The following FAM184A variants were observed in gnomAD, a reference collection of about 807,000 sequenced individuals.
FAM184A encodes family with sequence similarity 184 member A.
FAM184A carries 99 observed loss-of-function variants against 143.8 expected under a neutral mutation model. The observed-to-expected ratio is 0.69, with a 90% CI of 0.58 to 0.81. The LOEUF (loss-of-function observed/expected upper bound fraction) is 0.81. FAM184A is among the 40% of genes least tolerant of loss of function. The pLI is 0.00. For synonymous variants in FAM184A, 427 were observed against 446.4 expected, an observed-to-expected ratio of 0.96 and a Z score of 0.55; for missense variants, 1,217 against 1,310.5, an observed-to-expected ratio of 0.93 and a Z score of 1.10.
At chr6:119,088,799 A>G (rs563625581) in intron 1 of FAM184A, among the ~76,000 whole-genome samples, 9 of 152,220 alleles carry the variant, frequency 5.9e-5, no homozygotes, top group Non-Finnish European at 1.0e-4. Flanking sequence ...ATCAATAATC[A>G]TACTAGCTTT....
chr6:119,146,662 G>A (rs1386251814), intron 1 of FAM184A, among the ~76,000 whole-genome samples: 1 of 152,024 alleles, frequency 6.6e-6, no homozygotes, highest in Non-Finnish European at 1.5e-5. Context: ...TATAACTAGG[G>A]TTTCGGTGTC....
At chr6:119,016,150 C>G (rs1460792010) in intron 5 of FAM184A, among the ~76,000 whole-genome samples, 1 of 152,148 alleles carries the variant, frequency 6.6e-6, no homozygotes, top group African/African-American at 2.4e-5. Context: ...ACCTTTGTAT[C>G]TAGCTCAGGG....
intron 7 of FAM184A, chr6:119,006,193 C>T (rs746053278): frequency 6.5e-6 from 5 of 764,480 alleles, no homozygotes; most frequent in African/African-American, 1.7e-5. Context: ...AATACAAGGA[C>T]GGATCTTCCC....
At chr6:118,978,626 T>C (rs1046142271) in intron 11 of FAM184A, among the ~76,000 whole-genome samples, 1 of 152,148 alleles carries the variant, frequency 6.6e-6, no homozygotes, top group African/African-American at 2.4e-5. Context: ...ACATTATCGA[T>C]GAGAAACAGG....
intron 9 of FAM184A, among the ~76,000 whole-genome samples, chr6:118,996,249 G>T (rs1457915003): frequency 6.6e-6 from 1 of 152,152 alleles, no homozygotes; most frequent in Admixed American, 6.5e-5. Flanking sequence ...TGATAAAAGA[G>T]GATATAATGT....
At chr6:119,060,910 C>T (rs768144870) in intron 1 of FAM184A, among the ~76,000 whole-genome samples, 1 of 152,206 alleles carries the variant, frequency 6.6e-6, no homozygotes, top group Non-Finnish European at 1.5e-5. Flanking sequence ...CCTGCAGAAC[C>T]ATGAACGAAT....
intron 1 of FAM184A, among the ~76,000 whole-genome samples, chr6:119,108,502 A>T (rs1788848338): frequency 6.6e-6 from 1 of 152,142 alleles, no homozygotes; most frequent in Non-Finnish European, 1.5e-5. Flanking sequence ...CCTCTGCCGA[A>T]ATTCCATGAT....
At chr6:119,050,976 C>T (rs967808373) in intron 1 of FAM184A, among the ~76,000 whole-genome samples, 56 of 152,028 alleles carry the variant, frequency 3.7e-4, no homozygotes, top group Non-Finnish European at 7.4e-4. Flanking sequence ...AAGAAGGGAA[C>T]GCTGGGGCCT....
intron 1 of FAM184A, among the ~76,000 whole-genome samples, chr6:119,048,246 A>T (rs1194987030): frequency 2.0e-5 from 3 of 152,212 alleles, no homozygotes; most frequent in African/African-American, 7.2e-5. Flanking sequence ...AATAATAACC[A>T]TCTATGACAA....
At chr6:119,026,512 T>C (rs1387465517) in intron 1 of FAM184A, among the ~76,000 whole-genome samples, 1 of 151,964 alleles carries the variant, frequency 6.6e-6, no homozygotes, top group Non-Finnish European at 1.5e-5. Context: ...GAACGGACCC[T>C]CCTCTTAGCC....
intron 9 of FAM184A, among the ~76,000 whole-genome samples, chr6:118,991,089 G>A (rs1251487448): frequency 1.3e-5 from 2 of 151,754 alleles, no homozygotes; most frequent in African/African-American, 2.4e-5. Context: ...TTTTTAAAAA[G>A]GCTGGTGTGA....
intron 1 of FAM184A, among the ~76,000 whole-genome samples, chr6:119,097,529 A>G (rs1309275467): frequency 6.6e-6 from 1 of 152,206 alleles, no homozygotes; most frequent in Non-Finnish European, 1.5e-5. Flanking sequence ...TATTTTACAT[A>G]TACATTTATA....
At chr6:118,967,017 T>C in intron 14 of FAM184A, 65 bp from the exon 15 acceptor site, 1 of 737,892 alleles carries the variant, frequency 1.4e-6, no homozygotes, top group Non-Finnish European at 2.2e-6. Context: ...AATACCTACA[T>C]TAAAAAAATT....
intron 1 of FAM184A, among the ~76,000 whole-genome samples, chr6:119,068,211 T>A (rs1787538256): frequency 6.6e-6 from 1 of 151,890 alleles, no homozygotes; most frequent in African/African-American, 2.4e-5. Context: ...CACACTCGGC[T>A]AATTTTTGTA....
chr6:119,110,971 A>G (rs77795057), intron 1 of FAM184A, among the ~76,000 whole-genome samples: 2,888 of 142,878 alleles, frequency 0.02, 46 homozygotes, highest in Middle Eastern at 0.088. Context: ...ACCACCTGTA[A>G]CTGAAGTGTG....
chr6:118,977,653 T>C (rs985122402), intron 11 of FAM184A, among the ~76,000 whole-genome samples: 3 of 152,102 alleles, frequency 2.0e-5, no homozygotes, highest in Non-Finnish European at 4.4e-5. Context: ...GACAAAATCA[T>C]AGAAATGAAC....
At chr6:119,082,429 C>CAA (rs1326724999), upstream of FAM184A, among the ~76,000 whole-genome samples, 1 of 152,214 alleles carries the variant, frequency 6.6e-6, no homozygotes, top group Non-Finnish European at 1.5e-5. Context: ...CCCAAAGTCT[C>CAA]ATCTGAGACA....
rs770336723 is a variant in FAM184A at position 119,003,608 on chromosome 6, T to C, written c.1830A>G (p.Gln610=). ...TTGTTTCTTCATGCTGTTGCCTTTC[T>C]TGTTCTAGCTCACCCTGAAGAATAA... ...ALLNVEGELE[Q]ERQQHEETIA... The change falls in exon 8 of 18, where the codon CAA becomes CAG. Residue 610 remains glutamine (Q), a synonymous_variant. Transcript: ENST00000338891. 3.1e-6 allele frequency: 5 copies of C among 1,612,102 alleles called. No individual in the cohort carries two copies. Among genetic ancestry groups the C allele is most frequent in the Non-Finnish European group, 4.2e-6 (5 of 1,179,044 alleles).
At chr6:119,059,675 GA>G (rs1787146895) in intron 1 of FAM184A, among the ~76,000 whole-genome samples, 1 of 152,054 alleles carries the variant, frequency 6.6e-6, no homozygotes, top group African/African-American at 2.4e-5. Context: ...ATAATTACTT[GA>G]AGCAAAATGC....
Sources: gnomAD v4.1 joint callset for allele counts (sites outside exome capture counted in the v4.1 genomes callset) on GRCh38, gnomAD v4.1.1 for gene constraint, MANE v1.5 for transcripts, NCBI Gene and HGNC (gene_info 2026-07-23, HGNC 2026-07-21) for gene names.